CPAP: variants seen among roughly 807,000 people sequenced by gnomAD.
The protein encoded by CPAP is centrosome assembly and centriole elongation protein, also known as centrosomal P4.1-associated protein.
At chr13:24,897,996 A>G in the CPAP span, among the ~76,000 whole-genome samples, 1 of 152,196 alleles carries the variant, frequency 6.6e-6, no homozygotes, top group African/African-American at 2.4e-5. Context: ...CCCGGGTTCA[A>G]GTGGTTCTCC....
At chr13:24,906,079 G>A in the CPAP span, 60 of 1,613,022 alleles carry the variant, frequency 3.7e-5, no homozygotes, top group Admixed American at 1.2e-4. Context: ...GTTTGGGTGC[G>A]ACTTCACACT....
the CPAP span, among the ~76,000 whole-genome samples, chr13:24,911,337 C>T: frequency 2.0e-5 from 3 of 152,264 alleles, no homozygotes; most frequent in South Asian, 6.2e-4. Flanking sequence ...CTGATTGGCA[C>T]GTGACGCTTT....
the CPAP span, chr13:24,913,105 TAGCCAACAAAATGTATTAGGTAA>T: frequency 3.2e-6 from 4 of 1,269,336 alleles, no homozygotes; most frequent in Non-Finnish European, 1.1e-6. Flanking sequence ...TAGACAAAAA[TAGCCAACAAAATGTATTAGGTAA>T]AGCCATTAGA....
At chr13:24,900,508 C>A in the CPAP span, among the ~76,000 whole-genome samples, 1 of 152,118 alleles carries the variant, frequency 6.6e-6, no homozygotes, top group Admixed American at 6.5e-5. Flanking sequence ...ATTAGCCAGG[C>A]ATGGTGGCGA....
chr13:24,892,538 C>A, the CPAP span: 2 of 893,300 alleles, frequency 2.2e-6, no homozygotes, highest in South Asian at 1.3e-5. Flanking sequence ...CACTGCCCCC[C>A]CAGCCCCTGG....
the CPAP span, among the ~76,000 whole-genome samples, chr13:24,921,772 A>G: frequency 1.3e-5 from 2 of 152,316 alleles, no homozygotes; most frequent in African/African-American, 4.8e-5. Flanking sequence ...TACTAGACTG[A>G]CAAGTGCAAG....
At chr13:24,924,224 CCAAA>C in the CPAP span, among the ~76,000 whole-genome samples, 48 of 152,214 alleles carry the variant, frequency 3.2e-4, no homozygotes, top group African/African-American at 8.4e-4. Flanking sequence ...AGACAAGGAC[CCAAA>C]CAATCTTCCT....
the CPAP span, chr13:24,932,942 A>T: frequency 8.7e-7 from 1 of 1,151,440 alleles, no homozygotes; most frequent in African/African-American, 1.5e-5. Context: ...ATGTATAACA[A>T]TTCTAAATTC....
the CPAP span, among the ~76,000 whole-genome samples, chr13:24,928,324 T>C: frequency 1.2e-3 from 184 of 152,332 alleles, 1 homozygote; most frequent in African/African-American, 4.2e-3. Flanking sequence ...TGCATGTGTC[T>C]GGCCTCTAGA....
chr13:24,906,168 T>C, the CPAP span: 2 of 1,613,834 alleles, frequency 1.2e-6, no homozygotes, highest in East Asian at 4.5e-5. Context: ...GGATTTGTCT[T>C]CTGTGGCACA....
At chr13:24,925,535 A>C in the CPAP span, among the ~76,000 whole-genome samples, 2 of 152,204 alleles carry the variant, frequency 1.3e-5, no homozygotes, top group East Asian at 3.8e-4. Flanking sequence ...ACTTCAGCCC[A>C]GGAGTTGAAG....
the CPAP span, among the ~76,000 whole-genome samples, chr13:24,928,044 A>G: frequency 2.0e-5 from 3 of 152,354 alleles, no homozygotes; most frequent in East Asian, 5.8e-4. Context: ...AAGGGGGAAC[A>G]ATAATGTTAA....
At chr13:24,906,444 GCC>G in the CPAP span, 1 of 1,614,100 alleles carries the variant, frequency 6.2e-7, no homozygotes, top group Non-Finnish European at 8.5e-7. Flanking sequence ...CGGCTGGCCG[GCC>G]CTGTTGAAAG....
chr13:24,894,984 C>T, the CPAP span, among the ~76,000 whole-genome samples: 2 of 152,150 alleles, frequency 1.3e-5, no homozygotes, highest in South Asian at 4.1e-4. Context: ...CGGGTGGGAT[C>T]CGCGGCTGGG....
chr13:24,901,441 G>A, the CPAP span, among the ~76,000 whole-genome samples: 1 of 152,148 alleles, frequency 6.6e-6, no homozygotes, highest in Non-Finnish European at 1.5e-5. Context: ...ATGGGGAAAG[G>A]GGTGAGAAGA....
chr13:24,912,191 A>AC, the CPAP span: 2 of 899,702 alleles, frequency 2.2e-6, no homozygotes, highest in East Asian at 5.0e-5. Context: ...TTAGACAGGG[A>AC]CCCCTAGGTA....
the CPAP span, chr13:24,911,860 G>A: frequency 1.1e-5 from 17 of 1,522,608 alleles, no homozygotes; most frequent in Middle Eastern, 1.7e-4. Context: ...CACAACACAT[G>A]ATACAGGAAC....
At chr13:24,927,711 T>C in the CPAP span, among the ~76,000 whole-genome samples, 807 of 152,338 alleles carry the variant, frequency 5.3e-3, 22 homozygotes, top group East Asian at 0.081. Flanking sequence ...CAGTATCGTG[T>C]AAATAAGGCT....
At chr13:24,925,793 G>C in the CPAP span, 9 of 152,806 alleles carry the variant, frequency 5.9e-5, no homozygotes, top group Non-Finnish European at 1.0e-4. Flanking sequence ...AGAGGGCAAG[G>C]AGTAGGTACC....
Sources: gnomAD v4.1 joint callset for allele counts (sites outside exome capture counted in the v4.1 genomes callset) on GRCh38, gnomAD v4.1.1 for gene constraint, MANE v1.5 for transcripts, NCBI Gene and HGNC (gene_info 2026-07-23, HGNC 2026-07-21) for gene names.